The following SUGCT variants were observed in gnomAD, a reference collection of about 807,000 sequenced individuals.
SUGCT encodes succinyl-CoA:glutarate-CoA transferase.
SUGCT carries 41 observed loss-of-function variants against 55.0 expected under a neutral mutation model. That is an observed-to-expected ratio of 0.74 (90% confidence interval 0.58 to 0.97). The LOEUF (loss-of-function observed/expected upper bound fraction) is 0.97. Among genes scored for constraint, SUGCT ranks in the 50% least tolerant of loss-of-function variants. The pLI is 0.00. For synonymous variants in SUGCT, 187 were observed against 200.4 expected, an observed-to-expected ratio of 0.93 and a Z score of 0.56; for missense variants, 568 against 547.8, an observed-to-expected ratio of 1.04 and a Z score of -0.37.
intron 12 of SUGCT, among the ~76,000 whole-genome samples, chr7:40,715,294 G>A (rs573272396): frequency 6.6e-6 from 1 of 152,274 alleles, no homozygotes; most frequent in South Asian, 2.1e-4. Flanking sequence ...GGGATGGGAA[G>A]TTTTGCTGCT....
chr7:40,550,984 C>G (rs755630375), intron 12 of SUGCT, among the ~76,000 whole-genome samples: 5 of 152,174 alleles, frequency 3.3e-5, no homozygotes, highest in Non-Finnish European at 5.9e-5. Context: ...TTTCTCTTGT[C>G]TTGTCAGGTG....
At chr7:40,984,708 T>A in the SUGCT span, among the ~76,000 whole-genome samples, 1 of 152,250 alleles carries the variant, frequency 6.6e-6, no homozygotes, top group African/African-American at 2.4e-5. Context: ...GCATTGAGTG[T>A]GTAATTACAG....
At chr7:40,640,134 G>A (rs940791548) in intron 12 of SUGCT, among the ~76,000 whole-genome samples, 1 of 152,092 alleles carries the variant, frequency 6.6e-6, no homozygotes, top group Non-Finnish European at 1.5e-5. Context: ...TCTGGTGGCT[G>A]CCTTTTCCTC....
intron 13 of SUGCT, among the ~76,000 whole-genome samples, chr7:40,809,241 G>T (rs985559913): frequency 1.3e-5 from 2 of 152,120 alleles, no homozygotes; most frequent in Admixed American, 6.5e-5. Context: ...CCTGAATATT[G>T]TAAGTGCTAA....
At chr7:40,352,149 T>C (rs369144740) in intron 9 of SUGCT, among the ~76,000 whole-genome samples, 9 of 152,326 alleles carry the variant, frequency 5.9e-5, no homozygotes, top group African/African-American at 2.2e-4. Context: ...CTGCTTTTTT[T>C]CAAAAGAATT....
At chr7:41,032,292 G>A in the SUGCT span, among the ~76,000 whole-genome samples, 62,291 of 151,688 alleles carry the variant, frequency 0.41, 12,950 homozygotes, top group East Asian at 0.49. Context: ...TTGTTCAAGG[G>A]GACAATGTCC....
the SUGCT span, among the ~76,000 whole-genome samples, chr7:41,002,457 G>C: frequency 6.6e-6 from 1 of 152,314 alleles, no homozygotes; most frequent in African/African-American, 2.4e-5. Flanking sequence ...CATCAGCCGA[G>C]GGTGAGAGTT....
At chr7:40,516,986 G>A (rs533414638) in intron 12 of SUGCT, among the ~76,000 whole-genome samples, 1 of 152,028 alleles carries the variant, frequency 6.6e-6, no homozygotes, top group South Asian at 2.1e-4. Flanking sequence ...ATTTATTTAT[G>A]TCTTCTTTAA....
At chr7:40,526,411 G>A (rs1793800407) in intron 12 of SUGCT, among the ~76,000 whole-genome samples, 1 of 152,154 alleles carries the variant, frequency 6.6e-6, no homozygotes, top group Non-Finnish European at 1.5e-5. Flanking sequence ...TACTGATCGT[G>A]CTGTGACATT....
chr7:40,987,659 T>C, the SUGCT span, among the ~76,000 whole-genome samples: 1 of 152,076 alleles, frequency 6.6e-6, no homozygotes, highest in Non-Finnish European at 1.5e-5. Context: ...GAGGAAGCAA[T>C]GATGAAGGAG....
At chr7:40,188,942 T>A (rs571421439) in intron 4 of SUGCT, among the ~76,000 whole-genome samples, 1 of 152,338 alleles carries the variant, frequency 6.6e-6, no homozygotes, top group South Asian at 2.1e-4. Flanking sequence ...TATTAATATA[T>A]CCTCATGGTA....
the SUGCT span, among the ~76,000 whole-genome samples, chr7:40,983,188 C>G: frequency 2.6e-5 from 4 of 152,106 alleles, no homozygotes; most frequent in African/African-American, 4.8e-5. Context: ...AGTTGTAGAT[C>G]ATGTTCCTTC....
At chr7:40,838,020 A>T (rs974000529) in intron 13 of SUGCT, among the ~76,000 whole-genome samples, 1 of 152,132 alleles carries the variant, frequency 6.6e-6, no homozygotes, top group East Asian at 1.9e-4. Flanking sequence ...TCTTTCCTCT[A>T]TTTAATCGCC....
the SUGCT span, chr7:40,968,286 T>C: frequency 6.6e-6 from 1 of 152,166 alleles, no homozygotes; most frequent in South Asian, 2.1e-4. Context: ...ATGGACCAGG[T>C]CACACACCAA....
At chr7:40,470,633 G>A (rs1362449934) in intron 11 of SUGCT, among the ~76,000 whole-genome samples, 1 of 151,934 alleles carries the variant, frequency 6.6e-6, no homozygotes, top group Non-Finnish European at 1.5e-5. Flanking sequence ...GCTATCTTCT[G>A]ATTATCAATG....
At chr7:40,230,224 G>A (rs1788639000) in intron 6 of SUGCT, among the ~76,000 whole-genome samples, 1 of 152,166 alleles carries the variant, frequency 6.6e-6, no homozygotes. Flanking sequence ...CAATGGAGAT[G>A]AGGATCACAA....
intron 9 of SUGCT, among the ~76,000 whole-genome samples, chr7:40,413,395 A>G (rs1057148601): frequency 6.6e-6 from 1 of 152,142 alleles, no homozygotes; most frequent in Non-Finnish European, 1.5e-5. Context: ...TTCAATGGGG[A>G]AAGTCAGATT....
chr7:40,419,016 T>C (rs1414230668), intron 9 of SUGCT, among the ~76,000 whole-genome samples: 1 of 152,162 alleles, frequency 6.6e-6, no homozygotes, highest in Non-Finnish European at 1.5e-5. Context: ...TATTTGGAAA[T>C]TGTGATGGCA....
At chr7:40,575,702 T>A (rs959253892) in intron 12 of SUGCT, among the ~76,000 whole-genome samples, 1 of 152,038 alleles carries the variant, frequency 6.6e-6, no homozygotes, top group African/African-American at 2.4e-5. Flanking sequence ...TCCCAGCACT[T>A]TGGGAGGCTG....
Sources: allele counts gnomAD v4.1 joint callset (sites outside exome capture counted in the v4.1 genomes callset), GRCh38; gene constraint gnomAD v4.1.1; transcripts MANE v1.5; gene names NCBI Gene and HGNC (gene_info 2026-07-23, HGNC 2026-07-21).